PGAP1: variants seen among roughly 807,000 people sequenced by gnomAD.
The protein encoded by PGAP1 is GPI inositol-deacylase.
Under a neutral mutation model 127.0 loss-of-function variants are expected in PGAP1, and 76 were observed. The ratio of observed to expected loss-of-function variants is 0.60; its 90% CI spans 0.50 to 0.72. PGAP1 has a LOEUF of 0.72. PGAP1 is among the 30% of genes least tolerant of loss of function. PGAP1 has a pLI of 0.00. For synonymous variants in PGAP1, 362 were observed against 366.5 expected (o/e 0.99, Z 0.14); for missense variants, 982 against 1,071.3 (o/e 0.92, Z 1.16).
intron 25 of PGAP1, 113 bp from the exon 26 acceptor site, chr2:196,842,938 A>G: frequency 2.2e-6 from 1 of 450,468 alleles, no homozygotes; most frequent in Admixed American, 4.0e-5. Flanking sequence ...TATGGATATA[A>G]GAGAGCTCTA....
chr2:196,883,763 G>C (rs1701805482), intron 12 of PGAP1, among the ~76,000 whole-genome samples: 1 of 152,130 alleles, frequency 6.6e-6, no homozygotes, highest in African/African-American at 2.4e-5. Flanking sequence ...ATTTGCTTTA[G>C]TCATCCCTTC....
rs1703379436 is a variant in PGAP1 at position 196,926,705 on chromosome 2, A to G, written c.-89T>C. The G allele has an allele frequency of 7.1e-6, 11 of 1,551,520 alleles. No homozygotes were observed. The East Asian group carries it at 1.2e-4, about 16-fold the overall frequency. On this transcript the variant is annotated 5_prime_UTR_variant, in exon 1 of 27. Transcript: ENST00000354764. ...CAAGCCCGGACTGAGCGTGCTAGAC[A>G]CTGTCCGACCGCCACCCCCGGAGCC...
In PGAP1 at chr2:196,839,078, A is replaced by C. The variant is rs763553216; in HGVS notation, c.*2156T>G. 1 of 153,634 alleles carries C rather than the reference A, an allele frequency of 6.5e-6. No individual in the cohort carries two copies. Among genetic ancestry groups the C allele is most frequent in the Non-Finnish European group, 1.5e-5 (1 of 68,852 alleles). The allele number at this position is 153,634 out of a possible 1,614,324, so 9.5% of individuals were successfully genotyped here. A position where few individuals can be genotyped will look rare whatever the true frequency, so the allele number is the denominator to read the frequency against. On this transcript the variant is annotated 3_prime_UTR_variant, in exon 27 of 27. Coordinates refer to ENST00000354764, the MANE Select transcript of PGAP1 (RefSeq NM_024989.4). ...AAACAAACAAACAAAAAGCAAATGT[A>C]CTACTCACAAATGAGAAATTGAAGC...
rs1163166896 is a variant in PGAP1, at chr2:196,840,929, C to T, written c.*305G>A. On this transcript the variant is annotated 3_prime_UTR_variant, in exon 27 of 27. Transcript: ENST00000354764. ...CATCTACTAAATCTCTCATATCAGA[C>T]TTCTCGTACAGTTGATAAAACAGAC... 2.7e-5 allele frequency: 6 copies of T among 222,226 alleles called. No individual in the cohort carries two copies. The highest frequency in any genetic ancestry group is 3.5e-5 in the Non-Finnish European group (4 of 114,600). 13.8% of individuals were successfully genotyped at this position (222,226 alleles called of 1,614,324 possible). A position where few individuals can be genotyped will look rare whatever the true frequency, so the allele number is the denominator to read the frequency against.
chr2:196,920,993 C>A (rs1373892139), intron 1 of PGAP1, among the ~76,000 whole-genome samples: 5 of 151,976 alleles, frequency 3.3e-5, no homozygotes, highest in Non-Finnish European at 7.4e-5. Flanking sequence ...CCTTTTGCTC[C>A]TTTTCTTTTT....
chr2:196,851,918 G>A (rs1700732752), intron 20 of PGAP1, among the ~76,000 whole-genome samples: 1 of 152,202 alleles, frequency 6.6e-6, no homozygotes, highest in Middle Eastern at 3.4e-3. Context: ...CATTCTGTTC[G>A]TTAGACATGT....
At chr2:196,882,693 C>T (rs775941299) in intron 12 of PGAP1, among the ~76,000 whole-genome samples, 14 of 152,106 alleles carry the variant, frequency 9.2e-5, no homozygotes, top group Non-Finnish European at 1.6e-4. Flanking sequence ...TATTTTTGCA[C>T]ATTGATTTTG....
chr2:196,870,861 TG>T, intron 19 of PGAP1, 79 bp downstream of exon 19: 1 of 1,234,926 alleles, frequency 8.1e-7, no homozygotes, highest in East Asian at 2.4e-5. Flanking sequence ...CAGCCCCTTA[TG>T]GAAAAAGTCT....
At chr2:196,847,358 C>G (rs1290618587) in intron 21 of PGAP1, 158 bp from the exon 22 acceptor site, 2 of 536,942 alleles carry the variant, frequency 3.7e-6, no homozygotes, top group African/African-American at 3.9e-5. Flanking sequence ...TTGTATGGAA[C>G]AAGTCATTTA....
At chr2:196,855,150 CCT>C (rs1268385715) in intron 20 of PGAP1, among the ~76,000 whole-genome samples, 1 of 151,482 alleles carries the variant, frequency 6.6e-6, no homozygotes, top group Admixed American at 6.6e-5. Flanking sequence ...TGATGAAACC[CCT>C]GTCTCTACTA....
intron 19 of PGAP1, 29 bp from the exon 20 acceptor site, chr2:196,865,109 T>A: frequency 8.2e-7 from 1 of 1,217,188 alleles, no homozygotes; most frequent in Non-Finnish European, 1.2e-6. Flanking sequence ...AATGGGCAAC[T>A]CCTGAATATT....
At chr2:196,920,180 A>T (rs1450104753) in intron 1 of PGAP1, 30 bp from the exon 2 acceptor site, 4 of 1,582,930 alleles carry the variant, frequency 2.5e-6, no homozygotes. Flanking sequence ...GTTTCACTTT[A>T]ATCAGTTTTA....
At chr2:196,924,092 G>C (rs531197671) in intron 1 of PGAP1, among the ~76,000 whole-genome samples, 39 of 152,210 alleles carry the variant, frequency 2.6e-4, no homozygotes, top group Non-Finnish European at 5.1e-4. Flanking sequence ...AAGATGAATA[G>C]AGATAATCAA....
At chr2:196,877,814 A>G (rs1005038510) in intron 13 of PGAP1, among the ~76,000 whole-genome samples, 1 of 152,164 alleles carries the variant, frequency 6.6e-6, no homozygotes, top group Non-Finnish European at 1.5e-5. Flanking sequence ...GCATTTATGC[A>G]GTAGTCACTG....
intron 10 of PGAP1, among the ~76,000 whole-genome samples, 189 bp from the exon 11 acceptor site, chr2:196,886,069 TG>T (rs1219422473): frequency 6.6e-6 from 1 of 151,720 alleles, no homozygotes; most frequent in Non-Finnish European, 1.5e-5. Context: ...AAATCAAGGA[TG>T]GGTAAAGAAG....
chr2:196,881,449 C>T (rs1269400074), intron 12 of PGAP1, among the ~76,000 whole-genome samples: 1 of 152,192 alleles, frequency 6.6e-6, no homozygotes, highest in Non-Finnish European at 1.5e-5. Flanking sequence ...TCCACACTGT[C>T]TTCCACAATG....
In PGAP1 at chr2:196,838,514, A is replaced by C. The variant is rs1700297488; in HGVS notation, c.*2720T>G. ...AGCCAGCTGGGTTTAAAGTGCATCA[A>C]GACTCAATGAAGACCCTGTCAAAAT... On this transcript the variant is annotated 3_prime_UTR_variant, in exon 27 of 27. Transcript: ENST00000354764. 6.6e-6 allele frequency: 1 copy of C among 152,226 alleles called. No individual in the cohort carries two copies. The highest frequency in any genetic ancestry group is 6.5e-5 in the Admixed American group (1 of 15,280). 9.4% of individuals were successfully genotyped at this position (152,226 alleles called of 1,614,324 possible).
At position 196,847,984 on chromosome 2, in the gene PGAP1, C is replaced by A. The variant is rs767246428; in HGVS notation, c.1915G>T (p.Val639Phe). 1 of 1,601,046 alleles carries A rather than the reference C, an allele frequency of 6.2e-7. No individual in the cohort carries two copies. Among genetic ancestry groups the A allele is most frequent in the East Asian group, 2.3e-5 (1 of 44,164 alleles). ...TTAATGATAATTACAAAAGGATCAA[C>A]TTTGTATGGTTTGGCTTCTTTATCC... ...MLDKEAKPYK[V>F]DPFVIIIKFL... is the part of the protein sequence containing the mutation. Residue 639 changes from valine to phenylalanine, a missense_variant, in exon 21 of 27, where the codon GTT becomes TTT. Physicochemically the swap from Val to Phe is conservative, Grantham distance 50. Transcript: ENST00000354764.
intron 5 of PGAP1, among the ~76,000 whole-genome samples, chr2:196,900,598 T>C (rs1168162500): frequency 6.6e-6 from 1 of 152,202 alleles, no homozygotes; most frequent in African/African-American, 2.4e-5. Context: ...TCATCAGAGA[T>C]ACAGAAATCA....
Sources: allele counts gnomAD v4.1 joint callset (sites outside exome capture counted in the v4.1 genomes callset), GRCh38; gene constraint gnomAD v4.1.1; transcripts MANE v1.5; gene names NCBI Gene and HGNC (gene_info 2026-07-23, HGNC 2026-07-21).